The following GALM variants were observed in gnomAD, a reference collection of about 807,000 sequenced individuals.
GALM encodes the protein aldose 1-epimerase.
In GALM, 43 loss-of-function variants were observed where a neutral mutation model predicts 37.4. The observed-to-expected ratio is 1.15, with a 90% CI of 0.90 to 1.48. The LOEUF is 1.48. Among genes scored for constraint, GALM ranks in the 40% most tolerant of loss-of-function variants. GALM has a pLI of 0.00. For missense variants in GALM, 456 were observed against 419.1 expected (o/e 1.09, Z -0.77); for synonymous variants, 199 against 170.6 (o/e 1.17, Z -1.30).
At chr2:38,711,245 C>T (rs1666147374) in intron 4 of GALM, among the ~76,000 whole-genome samples, 3 of 151,598 alleles carry the variant, frequency 2.0e-5, no homozygotes, top group African/African-American at 2.4e-5. Context: ...CTGCAACCTC[C>T]GCCTCCCAGG....
chr2:38,683,404 A>G (rs1275314368), intron 3 of GALM, among the ~76,000 whole-genome samples: 1 of 152,040 alleles, frequency 6.6e-6, no homozygotes, highest in Non-Finnish European at 1.5e-5. Flanking sequence ...AATGTTTTGG[A>G]TTTTGGAGAT....
intron 4 of GALM, among the ~76,000 whole-genome samples, chr2:38,701,607 T>C (rs1345583915): frequency 6.6e-6 from 1 of 152,218 alleles, no homozygotes; most frequent in African/African-American, 2.4e-5. Context: ...ATTAGAATTC[T>C]GGTAGGAAAC....
intron 4 of GALM, among the ~76,000 whole-genome samples, chr2:38,691,651 T>C (rs13012704): frequency 0.14 from 21,396 of 151,594 alleles, 1,975 homozygotes; most frequent in East Asian, 0.34. Context: ...TGCTGCACTC[T>C]ACCCTGGGCA....
At chr2:38,731,325 A>C (rs1666603959) in intron 5 of GALM, among the ~76,000 whole-genome samples, 2 of 137,910 alleles carry the variant, frequency 1.5e-5, no homozygotes, top group South Asian at 2.5e-4. Context: ...TGAGCCCGGG[A>C]GGCTGAGGTT....
chr2:38,666,298 AAGAC>A lies in GALM; in HGVS notation c.140_143del (p.Asp47GlyfsTer97), dbSNP rs1664930242. The A allele has an allele frequency of 7.4e-6, 12 of 1,613,946 alleles. No individual in the cohort carries two copies. The highest frequency in any genetic ancestry group is 1.7e-5 in the Admixed American group (1 of 60,002). ...TGCACGATCACAGCCCTAGAGGTCAAAGACAGGCAGGGGAGAGCCTCGGACGTGG... is the reference window on the plus strand; with the variant it reads ...TGCACGATCACAGCCCTAGAGGTCAAAGGCAGGGGAGAGCCTCGGACGTGG... On this transcript the variant is annotated frameshift_variant, in exon 1 of 7. Coordinates refer to ENST00000272252, the MANE Select transcript of GALM (RefSeq NM_138801.3). LOFTEE classifies it high-confidence loss of function.
intron 4 of GALM, among the ~76,000 whole-genome samples, chr2:38,691,696 T>C (rs556238888): frequency 6.6e-6 from 1 of 151,516 alleles, no homozygotes; most frequent in East Asian, 1.9e-4. Flanking sequence ...AAAAACCTAA[T>C]TGGGAATATA....
chr2:38,731,744 T>C lies in GALM; in HGVS notation c.786T>C (p.His262=), dbSNP rs772191552. 4 of 1,613,818 alleles carry C rather than the reference T, an allele frequency of 2.5e-6. No individual in the cohort carries two copies. The East Asian group carries it at 6.7e-5, about 27-fold the overall frequency. The part of the protein sequence containing the change: ...KEKHFCARVH[H]AASGRVLEVY... Reference sequence around the variant, plus strand: ...TTGTATTTCTTACCAGGGTGCATCATGCTGCAAGCGGGCGGGTACTAGAAG... The same window carrying C: ...TTGTATTTCTTACCAGGGTGCATCACGCTGCAAGCGGGCGGGTACTAGAAG... Residue 262 remains histidine (H), a synonymous_variant, in exon 6 of 7, where the codon CAT becomes CAC. Coordinates refer to ENST00000272252, the MANE Select transcript of GALM (RefSeq NM_138801.3).
At chr2:38,707,701 C>T in intron 4 of GALM, among the ~76,000 whole-genome samples, 1 of 152,168 alleles carries the variant, frequency 6.6e-6, no homozygotes, top group Non-Finnish European at 1.5e-5. Flanking sequence ...CAGAACCCTG[C>T]CAGGCACAGT....
chr2:38,673,619 G>C (rs1435288101), intron 1 of GALM, among the ~76,000 whole-genome samples: 2 of 152,058 alleles, frequency 1.3e-5, no homozygotes, highest in Non-Finnish European at 2.9e-5. Context: ...GACCATCCTG[G>C]CTAACACGGT....
chr2:38,694,844 C>T (rs574215825), intron 4 of GALM, among the ~76,000 whole-genome samples: 172 of 145,910 alleles, frequency 1.2e-3, no homozygotes, highest in African/African-American at 3.7e-3. Context: ...TTGCAGTGAG[C>T]CAAGATCGGG....
chr2:38,674,742 CT>C (rs1340842350), intron 1 of GALM, among the ~76,000 whole-genome samples: 1 of 152,252 alleles, frequency 6.6e-6, no homozygotes, highest in Non-Finnish European at 1.5e-5. Context: ...GAAAGTATAA[CT>C]TTGGCCTAGA....
At chr2:38,673,405 G>A (rs1318355711) in intron 1 of GALM, among the ~76,000 whole-genome samples, 1 of 152,052 alleles carries the variant, frequency 6.6e-6, no homozygotes, top group Non-Finnish European at 1.5e-5. Flanking sequence ...CTTTTCCATC[G>A]TAAAGTAAGC....
chr2:38,703,553 C>T (rs530197983), intron 4 of GALM, among the ~76,000 whole-genome samples: 7 of 152,202 alleles, frequency 4.6e-5, no homozygotes, highest in Non-Finnish European at 7.4e-5. Context: ...TAAAATCTGA[C>T]TTGATGAGGA....
chr2:38,716,387 C>G (rs1013859907), intron 4 of GALM, among the ~76,000 whole-genome samples: 1 of 152,228 alleles, frequency 6.6e-6, no homozygotes, highest in Non-Finnish European at 1.5e-5. Flanking sequence ...TGAGCAAACA[C>G]TTGAGGTTAT....
At chr2:38,686,459 G>GT (rs754024066) in intron 3 of GALM, among the ~76,000 whole-genome samples, 1 of 151,752 alleles carries the variant, frequency 6.6e-6, no homozygotes, top group Non-Finnish European at 1.5e-5. Context: ...TAGAGATGGG[G>GT]TTTCACCGTG....
intron 3 of GALM, among the ~76,000 whole-genome samples, chr2:38,688,822 T>A (rs1665602089): frequency 2.0e-5 from 3 of 152,112 alleles, no homozygotes. Context: ...TTTATTTTAT[T>A]TTATTTATTT....
At chr2:38,702,173 C>T (rs544444445) in intron 4 of GALM, among the ~76,000 whole-genome samples, 2 of 151,210 alleles carry the variant, frequency 1.3e-5, no homozygotes, top group African/African-American at 4.9e-5. Context: ...CAACTGCACT[C>T]TAACACCTAA....
intron 4 of GALM, among the ~76,000 whole-genome samples, chr2:38,711,643 G>A (rs1666162764): frequency 6.9e-6 from 1 of 145,754 alleles, no homozygotes; most frequent in African/African-American, 2.6e-5. Context: ...TCTGGAATGA[G>A]ACTGCCTAGT....
Position 38,675,540 on chromosome 2 carries a change from T to TG in GALM, c.191-372_191-371insG, listed in dbSNP as rs1558577627. Among the ~76,000 whole-genome samples the TG allele has an allele frequency of 4.9e-3, 454 of 92,998 alleles. 1 individual carries two copies. Among genetic ancestry groups the TG allele is most frequent in the Admixed American group, 0.022 (178 of 8,150 alleles). The allele number at this position is 92,998 out of a possible 152,430, so 61.0% of individuals were successfully genotyped here. On this transcript the variant is annotated intron_variant, in intron 1 of 6. Coordinates refer to ENST00000272252, the MANE Select transcript of GALM (RefSeq NM_138801.3). ...AGGGTTTTTTTGTTTTTTTTTTTTT[T>TG]TTTTGTGTGTGTGTGTGTGTGTGTG...
Sources: gnomAD v4.1 joint callset for allele counts (sites outside exome capture counted in the v4.1 genomes callset) on GRCh38, gnomAD v4.1.1 for gene constraint, MANE v1.5 for transcripts, NCBI Gene and HGNC (gene_info 2026-07-23, HGNC 2026-07-21) for gene names.